SORCS1: variants seen among roughly 807,000 people sequenced by gnomAD.
The protein encoded by SORCS1 is VPS10 domain-containing receptor SorCS1.
A neutral mutation model predicts 146.1 loss-of-function variants in SORCS1; 60 were observed. That is an observed-to-expected ratio of 0.41 (90% CI 0.33 to 0.51). SORCS1 has a LOEUF of 0.51. Ranked by LOEUF, SORCS1 falls within the 20% of genes least tolerant of loss-of-function variation. The probability of loss-of-function intolerance (pLI) is 0.21; values close to 1 mark genes in which losing one functional copy is unlikely to be tolerated. For synonymous variants in SORCS1, 637 were observed against 584.0 expected (o/e 1.09, Z -1.31); for missense variants, 1,352 against 1,487.6 (o/e 0.91, Z 1.50).
At chr10:107,158,067 T>C (rs1019405757) in intron 1 of SORCS1, among the ~76,000 whole-genome samples, 6 of 152,230 alleles carry the variant, frequency 3.9e-5, no homozygotes, top group African/African-American at 1.4e-4. Flanking sequence ...GCCTGAACAG[T>C]GATCTCTCTC....
chr10:106,728,415 G>T (rs1589751751), intron 6 of SORCS1, among the ~76,000 whole-genome samples: 1 of 152,160 alleles, frequency 6.6e-6, no homozygotes, highest in Non-Finnish European at 1.5e-5. Flanking sequence ...TGAGGAGGTG[G>T]GAAAGCTGCT....
intron 19 of SORCS1, among the ~76,000 whole-genome samples, chr10:106,622,289 G>GAAAAAA (rs554464573): frequency 2.6e-5 from 1 of 39,040 alleles, no homozygotes; most frequent in Non-Finnish European, 5.1e-5. Context: ...ATTCCATCTC[G>GAAAAAA]AAAAAAAAAA....
chr10:106,646,317 A>G (rs954124256), intron 18 of SORCS1, among the ~76,000 whole-genome samples: 38 of 152,182 alleles, frequency 2.5e-4, no homozygotes, highest in Non-Finnish European at 5.3e-4. Flanking sequence ...TAATTCCTTT[A>G]TACTAAATGG....
At chr10:106,664,532 C>T (rs1850982488) in intron 17 of SORCS1, among the ~76,000 whole-genome samples, 1 of 152,058 alleles carries the variant, frequency 6.6e-6, no homozygotes, top group Admixed American at 6.6e-5. Flanking sequence ...GTCCCAGCTA[C>T]TCGGGAAGCT....
intron 2 of SORCS1, among the ~76,000 whole-genome samples, chr10:106,878,180 T>G (rs1010704149): frequency 4.6e-5 from 7 of 151,102 alleles, no homozygotes; most frequent in African/African-American, 1.7e-4. Context: ...TTTTTTTTTT[T>G]AAGTCCAGAT....
Position 106,754,823 on chromosome 10 carries a change from G to C in SORCS1, c.959+6765C>G, listed in dbSNP as rs148479915. Reference sequence around the variant, plus strand: ...CAAAATAACAAAGGTTCATTGCTGAGTCAGCTCTTGATTTTCCATGTGTGA... The same window carrying C: ...CAAAATAACAAAGGTTCATTGCTGACTCAGCTCTTGATTTTCCATGTGTGA... On this transcript the variant is annotated intron_variant, in intron 5 of 25. Coordinates refer to ENST00000263054, the MANE Select transcript of SORCS1 (RefSeq NM_052918.5). 3.1e-3 allele frequency among the ~76,000 whole-genome samples: 479 copies of C among 152,286 alleles called. 1 individual carries two copies. Among genetic ancestry groups the C allele is most frequent in the African/African-American group, 0.011 (453 of 41,560 alleles).
intron 15 of SORCS1, among the ~76,000 whole-genome samples, chr10:106,671,629 G>C (rs1471459800): frequency 6.6e-6 from 1 of 152,176 alleles, no homozygotes; most frequent in Non-Finnish European, 1.5e-5. Flanking sequence ...ATTTGGCAAA[G>C]TGTTGGGTGC....
intron 2 of SORCS1, among the ~76,000 whole-genome samples, chr10:106,838,691 T>C (rs1948893896): frequency 6.6e-6 from 1 of 152,228 alleles, no homozygotes; most frequent in Non-Finnish European, 1.5e-5. Flanking sequence ...CTTGTTTTAT[T>C]GCACTTTATT....
intron 16 of SORCS1, among the ~76,000 whole-genome samples, chr10:106,670,753 G>A (rs1266210186): frequency 1.3e-5 from 2 of 151,088 alleles, no homozygotes; most frequent in Non-Finnish European, 2.9e-5. Flanking sequence ...GAGTGCAGTG[G>A]CGCGATCGTG....
chr10:106,622,137 A>G (rs1394546793), intron 19 of SORCS1, among the ~76,000 whole-genome samples: 3 of 151,950 alleles, frequency 2.0e-5, no homozygotes, highest in Non-Finnish European at 4.4e-5. Context: ...TATAAATGCA[A>G]AAATTAGCTG....
intron 1 of SORCS1, among the ~76,000 whole-genome samples, chr10:106,996,326 G>A (rs1356739012): frequency 1.3e-5 from 2 of 151,780 alleles, no homozygotes; most frequent in African/African-American, 2.4e-5. Flanking sequence ...CTCTATACAA[G>A]GGAACAGAAT....
chr10:106,643,433 G>C (rs1015638788), intron 18 of SORCS1, among the ~76,000 whole-genome samples: 1 of 152,264 alleles, frequency 6.6e-6, no homozygotes, highest in Non-Finnish European at 1.5e-5. Flanking sequence ...GAGGGTCATA[G>C]AGAAATTGAG....
chr10:106,635,697 G>T (rs1000759136), intron 18 of SORCS1, among the ~76,000 whole-genome samples: 4 of 152,262 alleles, frequency 2.6e-5, no homozygotes, highest in African/African-American at 9.6e-5. Context: ...TTAAATATGG[G>T]TTAAGTACAT....
chr10:106,845,903 C>T (rs370449654), intron 2 of SORCS1, among the ~76,000 whole-genome samples: 4,716 of 113,070 alleles, frequency 0.042, 396 homozygotes, highest in East Asian at 0.25. Flanking sequence ...AGGTATGTGG[C>T]GTTATTTCTG....
the SORCS1 span, among the ~76,000 whole-genome samples, chr10:107,177,962 G>A: frequency 2.6e-5 from 4 of 152,094 alleles, no homozygotes; most frequent in Non-Finnish European, 5.9e-5. Context: ...AGAACACATG[G>A]ACACATGGAG....
At chr10:106,593,224 A>T (rs898891000) in intron 24 of SORCS1, among the ~76,000 whole-genome samples, 2 of 149,210 alleles carry the variant, frequency 1.3e-5, no homozygotes, top group African/African-American at 4.9e-5. Flanking sequence ...TGAAGGGGGA[A>T]TTCCCTCCAC....
At chr10:106,755,513 C>G (rs1403935747) in intron 5 of SORCS1, among the ~76,000 whole-genome samples, 1 of 152,140 alleles carries the variant, frequency 6.6e-6, no homozygotes, top group Non-Finnish European at 1.5e-5. Flanking sequence ...ATCCTTATGA[C>G]ACTCAGTTCT....
At chr10:106,986,333 A>G (rs866304221) in intron 1 of SORCS1, among the ~76,000 whole-genome samples, 76 of 152,228 alleles carry the variant, frequency 5.0e-4, no homozygotes, top group African/African-American at 1.6e-3. Context: ...TTTGGTTTAA[A>G]AAACTTACAT....
intron 3 of SORCS1, among the ~76,000 whole-genome samples, chr10:106,788,852 C>A (rs1025694881): frequency 1.3e-5 from 2 of 152,200 alleles, no homozygotes; most frequent in African/African-American, 4.8e-5. Context: ...ATAGGCAGTG[C>A]CCCAGTGGGC....
Sources: gnomAD v4.1 joint callset for allele counts (sites outside exome capture counted in the v4.1 genomes callset) on GRCh38, gnomAD v4.1.1 for gene constraint, MANE v1.5 for transcripts, NCBI Gene and HGNC (gene_info 2026-07-23, HGNC 2026-07-21) for gene names.